Variants in MTG1 observed in about 807,000 individuals in gnomAD.
MTG1 encodes the protein mitochondrial ribosome associated GTPase 1, also known as mitochondrial ribosome-associated GTPase 1.
MTG1 carries 30 observed loss-of-function variants against 39.5 expected under a neutral mutation model. That is an observed-to-expected ratio of 0.76 (90% CI 0.57 to 1.03). The LOEUF is 1.03. Among genes scored for constraint, MTG1 ranks in the 50% least tolerant of loss-of-function variants. MTG1 has a pLI of 0.00. For missense variants in MTG1, 513 were observed against 447.4 expected, an observed-to-expected ratio of 1.15 and a Z score of -1.32; for synonymous variants, 217 against 179.0, an observed-to-expected ratio of 1.21 and a Z score of -1.69.
chr10:133,408,869 A>T (rs1399910195), intron 9 of MTG1, among the ~76,000 whole-genome samples: 1 of 151,642 alleles, frequency 6.6e-6, no homozygotes, highest in Non-Finnish European at 1.5e-5. Context: ...GATCCCTTGT[A>T]TTTCTGTGGT....
intron 9 of MTG1, among the ~76,000 whole-genome samples, chr10:133,416,475 C>T (rs1850134937): frequency 6.6e-6 from 1 of 151,304 alleles, no homozygotes; most frequent in Admixed American, 6.6e-5. Flanking sequence ...CATATGTACA[C>T]ATGTGCCATG....
Position 133,402,707 on chromosome 10 carries a change from AC to A in MTG1, c.688del (p.Leu230TrpfsTer36). 1 of 1,607,180 alleles carries A rather than the reference AC, an allele frequency of 6.2e-7. No homozygotes were observed. The highest frequency in any genetic ancestry group is 8.5e-7 in the Non-Finnish European group (1 of 1,177,228). On this transcript the variant is annotated frameshift_variant, in exon 9 of 11. Coordinates refer to ENST00000317502, the MANE Select transcript of MTG1 (RefSeq NM_138384.4). LOFTEE classifies it high-confidence loss of function. This position sits in a 1 kb window ranked among gnomAD's most constrained non-coding sequence, Gnocchi z 4.7. ...GCTTCCACAGGAACGGTGCTGGACC[AC>A]CTGGTCGGGGAGGAGACCATGGCTG... Reference protein sequence around the residue: ...KLALCGTVLDHLVGEETMADY... With the variant: ...KLALCGTVLDXLVGEETMADY...
intron 9 of MTG1, among the ~76,000 whole-genome samples, chr10:133,416,673 G>C (rs1386819409): frequency 6.9e-6 from 1 of 145,418 alleles, no homozygotes; most frequent in Non-Finnish European, 1.5e-5. Flanking sequence ...TTGTTCTTGC[G>C]ATAGTTTACT....
intron 7 of MTG1, 136 bp downstream of exon 7, chr10:133,401,726 C>T (rs534670289): frequency 2.9e-5 from 24 of 840,216 alleles, no homozygotes; most frequent in Middle Eastern, 2.1e-4. Context: ...TGAGCACCCC[C>T]GGGGCAGGCA....
chr10:133,399,294 G>A (rs1173045725), intron 5 of MTG1, 68 bp downstream of exon 5: 9 of 1,565,140 alleles, frequency 5.8e-6, no homozygotes, highest in Admixed American at 5.1e-5. Flanking sequence ...CTCCTGCCTG[G>A]CCTCTCCAAG....
chr10:133,401,723 C>A (rs775205355), intron 7 of MTG1, 133 bp downstream of exon 7: 1 of 865,190 alleles, frequency 1.2e-6, no homozygotes, highest in Non-Finnish European at 1.9e-6. Context: ...CGCTGAGCAC[C>A]CCCGGGGCAG....
rs938298760 is a variant in MTG1, at chr10:133,394,447, C to T, written c.112+115C>T. 14 of 1,321,012 alleles carry T rather than the reference C, an allele frequency of 1.1e-5. No homozygotes were observed. In the African/African-American group the frequency reaches 2.2e-4, roughly 20 times the overall value. The allele number at this position is 1,321,012 out of a possible 1,614,324, so 81.8% of individuals were successfully genotyped here. A position where few individuals can be genotyped will look rare whatever the true frequency, so the allele number is the denominator to read the frequency against. On this transcript the variant is annotated intron_variant, in intron 1 of 10. Transcript: ENST00000317502. ...TCCCGGTCGTTCTGGGCTGGCCCCG[C>T]CCCTCCTCCCTTGTCTCCCCTCCTT...
intron 9 of MTG1, among the ~76,000 whole-genome samples, chr10:133,405,433 C>T (rs920941736): frequency 2.6e-5 from 4 of 152,114 alleles, no homozygotes; most frequent in African/African-American, 9.7e-5. Context: ...TTTGAAATAT[C>T]CTGTAGATTC....
In MTG1 at chr10:133,421,659, G is replaced by A. The variant is rs956049614; in HGVS notation, c.*1494G>A. 6.5e-6 allele frequency: 1 copy of A among 153,030 alleles called. No individual in the cohort carries two copies. The highest frequency in any genetic ancestry group is 1.5e-5 in the Non-Finnish European group (1 of 68,376). The allele number at this position is 153,030 out of a possible 1,614,324, so 9.5% of individuals were successfully genotyped here. On this transcript the variant is annotated 3_prime_UTR_variant, in exon 11 of 11. Coordinates refer to ENST00000317502, the MANE Select transcript of MTG1 (RefSeq NM_138384.4). ...GGGAGGCTGCAGGGCGCTGCCTCCTGTGGCTTAGTGCCCTGGAGCTAGAGA... is the reference window on the plus strand; with the variant it reads ...GGGAGGCTGCAGGGCGCTGCCTCCTATGGCTTAGTGCCCTGGAGCTAGAGA...
chr10:133,399,135 C>T, intron 4 of MTG1, 35 bp from the exon 5 acceptor site: 1 of 1,613,896 alleles, frequency 6.2e-7, no homozygotes, highest in Non-Finnish European at 8.5e-7. Flanking sequence ...AGACGTCCGA[C>T]CTGGGGTGGC....
At chr10:133,395,275 G>A (rs1345029608) in intron 1 of MTG1, among the ~76,000 whole-genome samples, 1 of 152,132 alleles carries the variant, frequency 6.6e-6, no homozygotes, top group Non-Finnish European at 1.5e-5. Flanking sequence ...CGTCCCTGTA[G>A]TCCCAGCTAC....
At chr10:133,404,422 C>T (rs1849939313) in intron 9 of MTG1, among the ~76,000 whole-genome samples, 1 of 152,196 alleles carries the variant, frequency 6.6e-6, no homozygotes, top group African/African-American at 2.4e-5. Flanking sequence ...GCACCATGCC[C>T]AGCCTGTAAC....
rs1221647231 is a variant in MTG1 at position 133,421,903 on chromosome 10, C to CGGGGGGG, written c.*1744_*1745insGGGGGGG. Reference sequence around the variant, plus strand: ...AGAGGGTGAGATCCCAAGGCCACGGCGGGGGGCAGGGAGAACCCCTCCTAC... The same window carrying CGGGGGGG: ...AGAGGGTGAGATCCCAAGGCCACGGCGGGGGGGGGGGGGCAGGGAGAACCCCTCCTAC... On this transcript the variant is annotated 3_prime_UTR_variant, in exon 11 of 11. Coordinates refer to ENST00000317502, the MANE Select transcript of MTG1 (RefSeq NM_138384.4). 1.5e-5 allele frequency: 2 copies of CGGGGGGG among 134,354 alleles called. No homozygotes were observed. The highest frequency in any genetic ancestry group is 3.2e-5 in the Non-Finnish European group (2 of 63,034). 8.3% of individuals were successfully genotyped at this position (134,354 alleles called of 1,614,324 possible). A position where few individuals can be genotyped will look rare whatever the true frequency, so the allele number is the denominator to read the frequency against.
chr10:133,413,231 C>T (rs1850071302), intron 9 of MTG1, among the ~76,000 whole-genome samples: 1 of 152,288 alleles, frequency 6.6e-6, no homozygotes, highest in African/African-American at 2.4e-5. Flanking sequence ...ATGCCTCAGT[C>T]TCCTGAGTAG....
chr10:133,414,871 G>A (rs1346781553), intron 9 of MTG1, among the ~76,000 whole-genome samples: 1 of 152,256 alleles, frequency 6.6e-6, no homozygotes, highest in Non-Finnish European at 1.5e-5. Context: ...TCCAGCCTGG[G>A]CACCATTGAG....
At chr10:133,397,678 C>T (rs1849804982) in intron 3 of MTG1, among the ~76,000 whole-genome samples, 1 of 151,826 alleles carries the variant, frequency 6.6e-6, no homozygotes, top group South Asian at 2.1e-4. Context: ...CGGGGTTTCA[C>T]TGTGTTAGCC....
rs369505531 is a variant in MTG1, at chr10:133,402,118, C to T, written c.574-31C>T. 4.1e-5 allele frequency: 66 copies of T among 1,613,386 alleles called. No individual in the cohort carries two copies. The highest frequency in any genetic ancestry group is 2.2e-4 in the East Asian group (10 of 44,856). On this transcript the variant is annotated intron_variant, in intron 7 of 10. Coordinates refer to ENST00000317502, the MANE Select transcript of MTG1 (RefSeq NM_138384.4). This position sits in a 1 kb window ranked among gnomAD's most constrained non-coding sequence, Gnocchi z 4.7. ...CCACCTGGGTGGGAGGCTGCCACCG[C>T]GGCCTGATCATGCCCTCTGTGCCCA...
At position 133,395,759 on chromosome 10, in the gene MTG1, C is replaced by G. The variant is rs757542743; in HGVS notation, c.159C>G (p.Ile53Met). ...GCCTGAAGCTGGTGGACTGTATCAT[C>G]GAGGTCCACGATGCCCGGATATCCT... The part of the protein sequence containing the change: ...QSSLKLVDCI[I>M]EVHDARIPLS... Residue 53 changes from isoleucine to methionine, a missense_variant, in exon 2 of 11, where the codon ATC becomes ATG. Physicochemically the swap from Ile to Met is conservative, Grantham distance 10 (BLOSUM62 1). Transcript: ENST00000317502. The G allele has an allele frequency of 6.2e-7, 1 of 1,614,020 alleles. No individual in the cohort carries two copies. The highest frequency in any genetic ancestry group is 1.1e-5 in the South Asian group (1 of 91,040).
intron 1 of MTG1, 26 bp downstream of exon 1, chr10:133,394,358 G>C: frequency 6.9e-7 from 1 of 1,458,232 alleles, no homozygotes; most frequent in Non-Finnish European, 9.0e-7. Context: ...GAGGGGCAAG[G>C]TCATGCCTAC....
Sources: allele counts gnomAD v4.1 joint callset (sites outside exome capture counted in the v4.1 genomes callset), GRCh38; gene constraint gnomAD v4.1.1; non-coding constraint Gnocchi (gnomAD v3.1); transcripts MANE v1.5; gene names NCBI Gene and HGNC (gene_info 2026-07-23, HGNC 2026-07-21).